Variants in FN1 observed in about 807,000 individuals in gnomAD.
The protein encoded by FN1 is fibronectin 1.
FN1 carries 106 observed loss-of-function variants against 297.3 expected under a neutral mutation model. The observed-to-expected ratio is 0.36, with a 90% CI of 0.30 to 0.42. The LOEUF (loss-of-function observed/expected upper bound fraction) is 0.42. Among genes scored for constraint, FN1 ranks in the 10% least tolerant of loss-of-function variants. FN1 has a pLI of 1.00. For missense variants in FN1, 2,690 were observed against 3,124.9 expected, an observed-to-expected ratio of 0.86 and a Z score of 3.32; for synonymous variants, 1,149 against 1,152.6, an observed-to-expected ratio of 1.00 and a Z score of 0.06.
chr2:215,401,242 GAAAGA>G lies in FN1; in HGVS notation c.3254-1896_3254-1892del, dbSNP rs1559475398. Among the ~76,000 whole-genome samples the G allele has an allele frequency of 5.0e-3, 300 of 59,692 alleles. 2 individuals carry two copies. Among genetic ancestry groups the G allele is most frequent in the South Asian group, 7.6e-3 (15 of 1,978 alleles). 39.2% of individuals were successfully genotyped at this position (59,692 alleles called of 152,430 possible). The stretch of plus-strand genomic sequence containing the variant: ...AGAAAGAAAGAAAGAAAGAAAGAAA[GAAAGA>G]AAGGAAGAAAGAAAGGAAGGAAAGG... On this transcript the variant is annotated intron_variant, in intron 20 of 45. Transcript: ENST00000354785.
intron 20 of FN1, among the ~76,000 whole-genome samples, chr2:215,400,887 C>CT (rs1389282100): frequency 6.6e-6 from 1 of 151,136 alleles, no homozygotes; most frequent in Non-Finnish European, 1.5e-5. Flanking sequence ...CCTCAGCCTC[C>CT]TGGGTTCAAG....
At chr2:215,384,555 G>A in intron 29 of FN1, 1 of 386,314 alleles carries the variant, frequency 2.6e-6, no homozygotes, top group Non-Finnish European at 4.7e-6. Context: ...ATACAGAAAA[G>A]TAAAGAGAAG....
chr2:215,420,533 G>A, intron 11 of FN1, 140 bp downstream of exon 11: 2 of 1,049,120 alleles, frequency 1.9e-6, no homozygotes, highest in Non-Finnish European at 2.9e-6. Flanking sequence ...TTAGAGAGAA[G>A]ACTTTGCAAA....
intron 26 of FN1, among the ~76,000 whole-genome samples, chr2:215,389,953 T>C (rs2059521947): frequency 6.6e-6 from 1 of 152,222 alleles, no homozygotes; most frequent in African/African-American, 2.4e-5. Flanking sequence ...TGGTAAATAT[T>C]TGTATATCTA....
In FN1 at chr2:215,433,389, T is replaced by C; in HGVS notation, c.350A>G (p.Asp117Gly). The change falls in exon 3 of 46, where the codon GAC becomes GGC. Residue 117 changes from aspartate (D) to glycine (G), a missense_variant. Coordinates refer to ENST00000354785, the MANE Select transcript of FN1 (RefSeq NM_212482.4). The stretch of plus-strand genomic sequence containing the variant: ...GCAGGTACAGTCCCAGATCATGGAG[T>C]CTTTAGGACGCTCATAAGTGTCACC... ...RVGDTYERPKDSMIWDCTCIG... is the reference protein window; with the variant it reads ...RVGDTYERPKGSMIWDCTCIG... 6.2e-7 allele frequency: 1 copy of C among 1,613,996 alleles called. No individual in the cohort carries two copies. Among genetic ancestry groups the C allele is most frequent in the South Asian group, 1.1e-5 (1 of 91,064 alleles).
chr2:215,387,904 A>AT (rs2059228016), intron 27 of FN1, among the ~76,000 whole-genome samples: 1 of 152,364 alleles, frequency 6.6e-6, no homozygotes, highest in African/African-American at 2.4e-5. Context: ...TGGGTCAGCC[A>AT]TTAGACAGAG....
Position 215,386,673 on chromosome 2 carries a change from A to C in FN1, c.4612+16T>G, listed in dbSNP as rs894052175. ...AGGAAAGTCTTCTGAGTTTCTTTGC[A>C]GACAAGAAAAGTTACCTGTTGATTG... On this transcript the variant is annotated intron_variant, in intron 28 of 45. Coordinates refer to ENST00000354785, the MANE Select transcript of FN1 (RefSeq NM_212482.4). 6.2e-7 allele frequency: 1 copy of C among 1,608,610 alleles called. No homozygotes were observed. The highest frequency in any genetic ancestry group is 1.7e-5 in the Admixed American group (1 of 59,112).
At chr2:215,401,255 A>AAGGAAGGAAGGAAGG (rs1559476059) in intron 20 of FN1, among the ~76,000 whole-genome samples, 3 of 58,298 alleles carry the variant, frequency 5.1e-5, no homozygotes, top group African/African-American at 1.9e-4. Context: ...AGAAAGGAAG[A>AAGGAAGGAAGGAAGG]AAGAAAGGAA....
chr2:215,426,083 C>T (rs1446107806), intron 6 of FN1, among the ~76,000 whole-genome samples: 1 of 151,558 alleles, frequency 6.6e-6, no homozygotes, highest in African/African-American at 2.4e-5. Context: ...CCAATTGATC[C>T]TCTTAAGACA....
At chr2:215,389,650 C>T (rs1166652295) in intron 26 of FN1, among the ~76,000 whole-genome samples, 1 of 151,924 alleles carries the variant, frequency 6.6e-6, no homozygotes, top group Non-Finnish European at 1.5e-5. Flanking sequence ...ATTAGCTGGG[C>T]GTGGTGGCTC....
intron 1 of FN1, 50 bp from the exon 2 acceptor site, chr2:215,434,874 A>T: frequency 6.3e-7 from 1 of 1,596,810 alleles, no homozygotes; most frequent in Non-Finnish European, 8.6e-7. Context: ...CCTTTTCCCA[A>T]AATTATGGAA....
Position 215,384,051 on chromosome 2 carries a change from G to A in FN1, c.4863C>T (p.Ser1621=). 1.2e-6 allele frequency: 2 copies of A among 1,614,176 alleles called. No individual in the cohort carries two copies. Among genetic ancestry groups the A allele is most frequent in the South Asian group, 2.2e-5 (2 of 91,078 alleles). Residue 1621 remains serine, a synonymous_variant, in exon 30 of 46, where the codon AGC becomes AGT. Coordinates refer to ENST00000354785, the MANE Select transcript of FN1 (RefSeq NM_212482.4). ...AVTGRGDSPA[S]SKPISINYRT... is the part of the protein sequence containing the mutation. ...GGTAATTAATGGAAATTGGCTTGCTGCTTGCGGGGCTGTCTCCACGGCCAG... is the reference window on the plus strand; with the variant it reads ...GGTAATTAATGGAAATTGGCTTGCTACTTGCGGGGCTGTCTCCACGGCCAG...
rs200984964 is a variant in FN1 at position 215,383,375 on chromosome 2, G to C, written c.5003C>G (p.Thr1668Ser). The C allele has an allele frequency of 6.2e-7, 1 of 1,614,042 alleles. No individual in the cohort carries two copies. The highest frequency in any genetic ancestry group is 1.7e-5 in the Admixed American group (1 of 60,024). The part of the protein sequence containing the change: ...SPVTGYRVTT[T>S]PKNGPGPTKT... ...TGTTGGTCCTGGTCCATTTTTGGGA[G>C]TGGTGGTTACTCTGTAACCAGTAAC... is the stretch of plus-strand genomic sequence containing the variant. The change falls in exon 31 of 46, where the codon ACT becomes AGT. Residue 1668 changes from threonine (T) to serine (S), a missense_variant. Transcript: ENST00000354785.
Position 215,367,960 on chromosome 2 carries a change from G to C in FN1, c.6921C>G (p.Ala2307=), listed in dbSNP as rs372228808. The change falls in exon 42 of 46, where the codon GCC becomes GCG. Residue 2307 remains alanine, a synonymous_variant. Coordinates refer to ENST00000354785, the MANE Select transcript of FN1 (RefSeq NM_212482.4). Reference sequence around the variant, plus strand: ...ACATTCGTTCCCACTCATCTCCAACGGCATAATGGGAAACTGTGTAGGGGT... The same window carrying C: ...ACATTCGTTCCCACTCATCTCCAACCGCATAATGGGAAACTGTGTAGGGGT... ...CFDPYTVSHY[A]VGDEWERMSE... 6.2e-7 allele frequency: 1 copy of C among 1,614,120 alleles called. No individual in the cohort carries two copies. The highest frequency in any genetic ancestry group is 8.5e-7 in the Non-Finnish European group (1 of 1,179,982).
intron 20 of FN1, among the ~76,000 whole-genome samples, chr2:215,404,077 G>A (rs757254287): frequency 2.0e-5 from 3 of 152,172 alleles, no homozygotes; most frequent in Admixed American, 6.5e-5. Flanking sequence ...AGGAAAGAGC[G>A]AGCTTGGCAA....
chr2:215,408,020 T>C (rs2062022232), intron 17 of FN1, 88 bp downstream of exon 17: 5 of 945,522 alleles, frequency 5.3e-6, no homozygotes, highest in Non-Finnish European at 6.9e-6. Flanking sequence ...TTTAAAGTGA[T>C]ATGCAGGTCC....
chr2:215,383,518 C>T (rs1420697989), intron 30 of FN1, 35 bp from the exon 31 acceptor site: 2 of 1,612,978 alleles, frequency 1.2e-6, no homozygotes, highest in South Asian at 2.2e-5. Context: ...CAGTGAAGCC[C>T]CAGTCCTTGG....
At chr2:215,395,471 G>A (rs532760576) in intron 23 of FN1, among the ~76,000 whole-genome samples, 85 of 151,880 alleles carry the variant, frequency 5.6e-4, no homozygotes, top group African/African-American at 1.9e-3. Flanking sequence ...CCCAGGAGAC[G>A]GAGGTTGCAG....
Position 215,434,787 on chromosome 2 carries a change from ATTTATCTG to A in FN1, c.178_185del (p.Gln60SerfsTer24). On this transcript the variant is annotated frameshift_variant, in exon 2 of 46. Coordinates refer to ENST00000354785, the MANE Select transcript of FN1 (RefSeq NM_212482.4). LOFTEE classifies it high-confidence loss of function. ...CTAGGTAGGTCCGCTCCCACTGTTG[ATTTATCTG>A]ATAGTGTTTTCCATTGTCATAACAA... is the stretch of plus-strand genomic sequence containing the variant. 1 of 1,613,898 alleles carries A rather than the reference ATTTATCTG, an allele frequency of 6.2e-7. No homozygotes were observed. Among genetic ancestry groups the A allele is most frequent in the Non-Finnish European group, 8.5e-7 (1 of 1,179,818 alleles).
Sources: gnomAD v4.1 joint callset for allele counts (sites outside exome capture counted in the v4.1 genomes callset) on GRCh38, gnomAD v4.1.1 for gene constraint, MANE v1.5 for transcripts, NCBI Gene and HGNC (gene_info 2026-07-23, HGNC 2026-07-21) for gene names.